DDX3X: variants seen among roughly 807,000 people sequenced by gnomAD.
DDX3X encodes DEAD-box helicase 3 X-linked.
DDX3X carries 4 observed loss-of-function variants against 52.7 expected under a neutral mutation model. That is an observed-to-expected ratio of 0.08 (90% CI 0.04 to 0.17). DDX3X has a LOEUF of 0.17. Among genes scored for constraint, DDX3X ranks in the 10% least tolerant of loss-of-function variants. The pLI is 1.00. For missense variants in DDX3X, 222 were observed against 548.6 expected (o/e 0.40, Z 5.95); for synonymous variants, 192 against 178.1 (o/e 1.08, Z -0.62).
rs957322741 is a variant in DDX3X, at chrX:41,349,185, G to A, written c.*1466G>A. 8.9e-6 allele frequency: 1 copy of A among 112,550 alleles called. No homozygotes were observed. The highest frequency in any genetic ancestry group is 9.5e-5 in the Admixed American group (1 of 10,487). 9.3% of individuals were successfully genotyped at this position (112,550 alleles called of 1,213,427 possible). ...TGCCTTGTTCTAAAACTTTTATTAA[G>A]TAGGTGCACTTGACAGTATTGAGGT... On this transcript the variant is annotated 3_prime_UTR_variant, in exon 17 of 17. Transcript: ENST00000644876.
downstream of DDX3X, chrX:41,351,286 ATAAAT>A (rs2063983958): frequency 8.9e-6 from 1 of 112,103 alleles, no homozygotes. Flanking sequence ...TTATGGTGAC[ATAAAT>A]TTAGTATGTT....
intron 5 of DDX3X, among the ~76,000 whole-genome samples, chrX:41,363,644 A>G (rs1041201667): frequency 9.1e-6 from 1 of 109,865 alleles, no homozygotes; most frequent in Non-Finnish European, 1.9e-5. Flanking sequence ...TTAGCCAGGC[A>G]TGGTGGCGCA....
downstream of DDX3X, among the ~76,000 whole-genome samples, chrX:41,354,459 G>A (rs1316662807): frequency 9.5e-6 from 1 of 105,672 alleles, no homozygotes; most frequent in Non-Finnish European, 1.9e-5. Context: ...GAGTAGCTGG[G>A]ACTACAGGCG....
At chrX:41,360,816 T>C (rs1248528038) in intron 5 of DDX3X, among the ~76,000 whole-genome samples, 1 of 110,011 alleles carries the variant, frequency 9.1e-6, no homozygotes, top group Non-Finnish European at 1.9e-5. Flanking sequence ...CTCTCATCTA[T>C]TCATGCATCA....
At chrX:41,360,503 C>A (rs1360981671) in intron 5 of DDX3X, among the ~76,000 whole-genome samples, 2 of 108,654 alleles carry the variant, frequency 1.8e-5, no homozygotes, top group Non-Finnish European at 3.8e-5. Context: ...AGTGCAGTGG[C>A]GTAATCTCGG....
upstream of DDX3X, chrX:41,333,505 C>T (rs189409694): frequency 3.7e-5 from 4 of 108,736 alleles, no homozygotes; most frequent in Admixed American, 3.9e-4. Context: ...TATATTCAAG[C>T]CACCGTTTCC....
Position 41,344,095 on chromosome X carries a change from G to A in DDX3X, c.831G>A (p.Glu277=), listed in dbSNP as rs2063889693. 8.3e-7 allele frequency: 1 copy of A among 1,206,988 alleles called. No homozygotes were observed. Among genetic ancestry groups the A allele is most frequent in the Non-Finnish European group, 1.1e-6 (1 of 893,889 alleles). Reference sequence around the variant, plus strand: ...CCTTGGTATTAGCACCAACGAGAGAGTTGGCAGTACAGATCTACGAGGAAG... The same window carrying A: ...CCTTGGTATTAGCACCAACGAGAGAATTGGCAGTACAGATCTACGAGGAAG... ...PISLVLAPTR[E]LAVQIYEEAR... Residue 277 remains glutamate (E), a synonymous_variant, in exon 9 of 17, where the codon GAG becomes GAA. Coordinates refer to ENST00000644876, the MANE Select transcript of DDX3X (RefSeq NM_001356.5).
intron 3 of DDX3X, 47 bp from the exon 4 acceptor site, chrX:41,341,437 C>T (rs766990247): frequency 9.3e-7 from 1 of 1,073,451 alleles, no homozygotes; most frequent in South Asian, 2.0e-5. Flanking sequence ...AACATGGTTC[C>T]TATTTCTAAT....
rs762740283 is a variant in DDX3X at position 41,340,819 on chromosome X, CTG to C, written c.152-663_152-662del. 8.5e-5 allele frequency: 25 copies of C among 295,014 alleles called. No homozygotes were observed. The highest frequency in any genetic ancestry group is 7.2e-4 in the East Asian group (15 of 20,974). The allele number at this position is 295,014 out of a possible 1,213,427, so 24.3% of individuals were successfully genotyped here. A position where few individuals can be genotyped will look rare whatever the true frequency, so the allele number is the denominator to read the frequency against. On this transcript the variant is annotated intron_variant, in intron 3 of 16. Coordinates refer to ENST00000644876, the MANE Select transcript of DDX3X (RefSeq NM_001356.5). ...CCAAGAAACATGGAAACAATGGTAA[CTG>C]TTTTTCCTAGTAAACTCATTCACAC...
Position 41,347,386 on chromosome X carries a change from G to A in DDX3X, c.1844G>A (p.Ser615Asn). 1 of 1,211,688 alleles carries A rather than the reference G, an allele frequency of 8.3e-7. No individual in the cohort carries two copies. The highest frequency in any genetic ancestry group is 1.1e-6 in the Non-Finnish European group (1 of 895,377). Residue 615 changes from serine (S) to asparagine (N), a missense_variant, in exon 16 of 17, where the codon AGC becomes AAC. Coordinates refer to ENST00000644876, the MANE Select transcript of DDX3X (RefSeq NM_001356.5). ...GGTGCCAGCAGTTCCAGCTTCAGCA[G>A]CAGCCGCGCAAGCAGCAGCCGCAGT... ...SSGASSSSFSSSRASSSRSGG... is the reference protein window; with the variant it reads ...SSGASSSSFSNSRASSSRSGG...
chrX:41,350,872 C>T (rs1451946938), downstream of DDX3X: 2 of 110,485 alleles, frequency 1.8e-5, no homozygotes, highest in Admixed American at 1.9e-4. Context: ...CGGTTTGATA[C>T]GTTTCAATCT....
intron 3 of DDX3X, chrX:41,340,859 T>C (rs758939646): frequency 3.4e-6 from 1 of 294,920 alleles, no homozygotes; most frequent in East Asian, 4.8e-5. Flanking sequence ...ATAAAATGAA[T>C]GGAAATTAAA....
At chrX:41,357,226 G>A (rs1251986856) in intron 5 of DDX3X, among the ~76,000 whole-genome samples, 1 of 111,033 alleles carries the variant, frequency 9.0e-6, no homozygotes, top group African/African-American at 3.3e-5. Flanking sequence ...GAGCCACTGC[G>A]TGTGGCCTCA....
At chrX:41,351,531 G>T (rs1443665710), downstream of DDX3X, 1 of 111,425 alleles carries the variant, frequency 9.0e-6, no homozygotes, top group African/African-American at 3.3e-5. Context: ...TGACTTTGTT[G>T]ATAGGGCCTC....
intron 4 of DDX3X, chrX:41,342,126 G>A (rs1602128375): frequency 5.8e-6 from 1 of 173,511 alleles, no homozygotes; most frequent in East Asian, 1.5e-4. Context: ...AGTATAACTA[G>A]GACGATTGAT....
downstream of DDX3X, chrX:41,351,391 G>A (rs2063984952): frequency 8.9e-6 from 1 of 111,815 alleles, no homozygotes; most frequent in African/African-American, 3.2e-5. Context: ...TGGATTCTTG[G>A]CTGAATTTCA....
rs1176160714 is a variant in DDX3X at position 41,347,170 on chromosome X, T to C, written c.1770-142T>C. ...TCTTTGGTAAGGGGTTGTATTAGAA[T>C]GGGTGACACTCTGTTGGGGAAAATA... is the stretch of plus-strand genomic sequence containing the variant. On this transcript the variant is annotated intron_variant, in intron 15 of 16. Transcript: ENST00000644876. The C allele has an allele frequency of 4.4e-6, 4 of 909,470 alleles. No homozygotes were observed. In the African/African-American group the frequency reaches 8.0e-5, roughly 18 times the overall value. 75.0% of individuals were successfully genotyped at this position (909,470 alleles called of 1,213,427 possible).
At chrX:41,347,525 TAAAC>T in intron 16 of DDX3X, 74 bp downstream of exon 16, 2 of 1,175,389 alleles carry the variant, frequency 1.7e-6, no homozygotes, top group Non-Finnish European at 2.3e-6. Flanking sequence ...AAAGCCTAAT[TAAAC>T]AATTTAAGTT....
downstream of DDX3X, chrX:41,351,385 T>A (rs766101808): frequency 2.7e-5 from 3 of 112,266 alleles, no homozygotes; most frequent in African/African-American, 9.7e-5. Flanking sequence ...GTTTCCTGGA[T>A]TCTTGGCTGA....
Sources: gnomAD v4.1 joint callset for allele counts (sites outside exome capture counted in the v4.1 genomes callset) on GRCh38, gnomAD v4.1.1 for gene constraint, MANE v1.5 for transcripts, NCBI Gene and HGNC (gene_info 2026-07-23, HGNC 2026-07-21) for gene names.